Variants in NAALADL2 observed in about 807,000 individuals in gnomAD.
NAALADL2 encodes inactive N-acetylated-alpha-linked acidic dipeptidase-like protein 2.
NAALADL2 carries 76 observed loss-of-function variants against 87.2 expected under a neutral mutation model. That is an observed-to-expected ratio of 0.87 (90% CI 0.72 to 1.05). The LOEUF (loss-of-function observed/expected upper bound fraction) is 1.05, where lower values mean the gene tolerates loss of function less well. Among genes scored for constraint, NAALADL2 ranks in the 50% least tolerant of loss-of-function variants. The probability of loss-of-function intolerance (pLI) is 0.00; values close to 1 mark genes in which losing one functional copy is unlikely to be tolerated. For missense variants in NAALADL2, 1,089 were observed against 945.8 expected, an observed-to-expected ratio of 1.15 and a Z score of -1.99; for synonymous variants, 354 against 331.0, an observed-to-expected ratio of 1.07 and a Z score of -0.75.
chr3:174,586,188 C>T (rs140067434), intron 2 of NAALADL2, among the ~76,000 whole-genome samples: 2,164 of 152,280 alleles, frequency 0.014, 59 homozygotes, highest in African/African-American at 0.048. Flanking sequence ...ATTTATTTAG[C>T]ACTGTTTGTG....
At chr3:175,328,587 C>T (rs1026529112) in intron 5 of NAALADL2, among the ~76,000 whole-genome samples, 37 of 152,052 alleles carry the variant, frequency 2.4e-4, no homozygotes, top group African/African-American at 8.7e-4. Context: ...ATCTGATTTC[C>T]CAGGACCATA....
Position 175,627,354 on chromosome 3 carries a change from C to A in NAALADL2, c.1864C>A (p.Pro622Thr), listed in dbSNP as rs373491589. ...TRATKIEEMD[P>T]SFNLHETITK... is the part of the protein sequence containing the mutation. ...AGCAACAAAAATTGAAGAAATGGAT[C>A]CCTCTTTCAACCTTCATGAAACCAT... The change falls in exon 11 of 14, where the codon CCC (proline) becomes ACC (threonine). Residue 622 changes from proline to threonine, a missense_variant. Coordinates refer to ENST00000454872, the MANE Select transcript of NAALADL2 (RefSeq NM_207015.3). The A allele has an allele frequency of 7.6e-6, 12 of 1,569,392 alleles. No homozygotes were observed. In the African/African-American group the frequency reaches 1.6e-4, roughly 21 times the overall value.
chr3:175,576,519 A>G (rs1718918193), intron 10 of NAALADL2, among the ~76,000 whole-genome samples: 1 of 152,230 alleles, frequency 6.6e-6, no homozygotes, highest in Admixed American at 6.5e-5. Context: ...CATGTGCAAT[A>G]GATTCTCCTC....
chr3:175,153,449 A>C, intron 2 of NAALADL2, among the ~76,000 whole-genome samples: 1 of 152,170 alleles, frequency 6.6e-6, no homozygotes, highest in East Asian at 1.9e-4. Context: ...GCATGGTCTT[A>C]AAGGATGCAG....
rs114709111 is a variant in NAALADL2, at chr3:175,180,682, T to C, written c.546-53249T>C. ...TTACAACATTTCTTCCAACCACCAT[T>C]AATTATTATCATAATCATAAATATC... On this transcript the variant is annotated intron_variant, in intron 2 of 13. Coordinates refer to ENST00000454872, the MANE Select transcript of NAALADL2 (RefSeq NM_207015.3). Among the ~76,000 whole-genome samples, 673 of 72,286 alleles carry C rather than the reference T, an allele frequency of 9.3e-3. 3 individuals carry two copies. The highest frequency in any genetic ancestry group is 0.024 in the African/African-American group (638 of 27,040). The allele number at this position is 72,286 out of a possible 152,430, so 47.4% of individuals were successfully genotyped here.
intron 2 of NAALADL2, among the ~76,000 whole-genome samples, chr3:174,564,946 T>G (rs1187355961): frequency 6.6e-6 from 1 of 152,058 alleles, no homozygotes; most frequent in East Asian, 1.9e-4. Flanking sequence ...TTATTTATTT[T>G]TACAGTTTTT....
intron 11 of NAALADL2, among the ~76,000 whole-genome samples, chr3:175,698,483 T>TTATATATTTATATATA (rs1738472644): frequency 1.5e-5 from 1 of 67,774 alleles, no homozygotes; most frequent in Non-Finnish European, 2.8e-5. Context: ...GTATATATAT[T>TTATATATTTATATATA]TATATATATA....
intron 1 of NAALADL2, among the ~76,000 whole-genome samples, chr3:174,502,106 T>C (rs1026261187): frequency 6.6e-6 from 1 of 152,172 alleles, no homozygotes; most frequent in Admixed American, 6.5e-5. Context: ...AAAGTTACTC[T>C]TTTCTCCTCT....
chr3:175,787,418 G>A (rs570957185), intron 13 of NAALADL2, among the ~76,000 whole-genome samples: 3 of 152,284 alleles, frequency 2.0e-5, no homozygotes, highest in Admixed American at 1.3e-4. Context: ...CTTGTGGTGC[G>A]CCGTTTTTTA....
chr3:174,442,377 T>C (rs1124586), intron 1 of NAALADL2, among the ~76,000 whole-genome samples: 70,120 of 121,580 alleles, frequency 0.58, 17,716 homozygotes, highest in East Asian at 0.93. Flanking sequence ...TCACCTTTAA[T>C]TTTTTAGAGA....
At chr3:175,622,093 A>G (rs1726313095) in intron 10 of NAALADL2, among the ~76,000 whole-genome samples, 1 of 152,322 alleles carries the variant, frequency 6.6e-6, no homozygotes, top group South Asian at 2.1e-4. Context: ...AAATACATTT[A>G]TTTTATAAAT....
chr3:175,575,363 C>A (rs1427628446), intron 9 of NAALADL2, among the ~76,000 whole-genome samples: 1 of 152,092 alleles, frequency 6.6e-6, no homozygotes, highest in Admixed American at 6.6e-5. Context: ...CGGCTCACTG[C>A]AACCTCTGCC....
intron 2 of NAALADL2, among the ~76,000 whole-genome samples, chr3:174,702,693 A>G (rs956382661): frequency 1.3e-5 from 2 of 152,224 alleles, no homozygotes; most frequent in Non-Finnish European, 2.9e-5. Flanking sequence ...TACAGTAGAC[A>G]ATTGTAACAC....
intron 5 of NAALADL2, among the ~76,000 whole-genome samples, chr3:175,396,782 T>C (rs9838147): frequency 0.3 from 45,678 of 151,898 alleles, 7,437 homozygotes; most frequent in East Asian, 0.48. Context: ...CAAGATCTAA[T>C]GGTTTTATAA....
At chr3:175,053,795 A>G (rs1476579066) in intron 1 of NAALADL2, among the ~76,000 whole-genome samples, 1 of 152,244 alleles carries the variant, frequency 6.6e-6, no homozygotes, top group East Asian at 1.9e-4. Flanking sequence ...ATCGCTGGAT[A>G]ATAGCTTAAC....
chr3:174,505,167 G>A (rs972790443), intron 1 of NAALADL2, among the ~76,000 whole-genome samples: 5 of 152,072 alleles, frequency 3.3e-5, no homozygotes, highest in African/African-American at 1.2e-4. Flanking sequence ...GAAATGAGGG[G>A]AAAATCCCAT....
At chr3:174,714,706 A>T (rs1014596654) in intron 2 of NAALADL2, among the ~76,000 whole-genome samples, 1 of 152,146 alleles carries the variant, frequency 6.6e-6, no homozygotes, top group African/African-American at 2.4e-5. Flanking sequence ...GGCTGAGACG[A>T]TGGGGTTTTC....
At chr3:175,370,256 T>C (rs1160577968) in intron 5 of NAALADL2, among the ~76,000 whole-genome samples, 5 of 152,154 alleles carry the variant, frequency 3.3e-5, no homozygotes, top group Non-Finnish European at 7.3e-5. Context: ...ATGGGAAAAA[T>C]CTTCCACTAT....
chr3:175,411,450 C>T (rs1002145302), intron 5 of NAALADL2, among the ~76,000 whole-genome samples: 6 of 148,716 alleles, frequency 4.0e-5, no homozygotes, highest in Admixed American at 1.4e-4. Context: ...TATTGATGTG[C>T]GAATTGAAGG....
Sources: gnomAD v4.1 joint callset for allele counts (sites outside exome capture counted in the v4.1 genomes callset) on GRCh38, gnomAD v4.1.1 for gene constraint, MANE v1.5 for transcripts, NCBI Gene and HGNC (gene_info 2026-07-23, HGNC 2026-07-21) for gene names.